The following DOCK7 variants were observed in gnomAD, a reference collection of about 807,000 sequenced individuals.
DOCK7 encodes the protein dedicator of cytokinesis 7.
In DOCK7, 138 loss-of-function variants were observed where a neutral mutation model predicts 271.0. The observed-to-expected ratio is 0.51, with a 90% confidence interval of 0.44 to 0.59. The LOEUF is 0.59. Ranked by LOEUF, DOCK7 falls within the 20% of genes least tolerant of loss-of-function variation. The pLI, the probability that DOCK7 is intolerant of heterozygous loss-of-function variation, is 0.00. For synonymous variants in DOCK7, 823 were observed against 876.1 expected (o/e 0.94, Z 1.07); for missense variants, 2,066 against 2,592.4 (o/e 0.80, Z 4.41).
chr1:62,674,773 C>A lies in DOCK7; in HGVS notation c.39-11643G>T, dbSNP rs1264784126. 2.0e-5 allele frequency among the ~76,000 whole-genome samples: 3 copies of A among 152,108 alleles called. No individual in the cohort carries two copies. The East Asian group carries it at 5.8e-4, about 29-fold the overall frequency. ...CCACACACTAAAGATAAATTTAGAC[C>A]TTTATCTCAAACCATGCATAAAAAC... On this transcript the variant is annotated intron_variant, in intron 1 of 49. Coordinates refer to ENST00000635253, the MANE Select transcript of DOCK7 (RefSeq NM_001367561.1).
In DOCK7 at chr1:62,578,959, C is replaced by T; in HGVS notation, c.1879G>A (p.Asp627Asn). 1.9e-6 allele frequency: 3 copies of T among 1,541,184 alleles called. No individual in the cohort carries two copies. Among genetic ancestry groups the T allele is most frequent in the Non-Finnish European group, 2.6e-6 (3 of 1,150,338 alleles). The stretch of plus-strand genomic sequence containing the variant: ...TTAACCTTGATTTCTTCATGAAAAT[C>T]AGGAGACCTTCATACAAAAAAAAAA... ...TAVVYHNRSP[D>N]FHEEIKVKLP... is the part of the protein sequence containing the mutation. Residue 627 changes from aspartate (D) to asparagine (N), a missense_variant, in exon 17 of 50, where the codon GAT becomes AAT. Asp to Asn is a conservative substitution (Grantham distance 23). Coordinates refer to ENST00000635253, the MANE Select transcript of DOCK7 (RefSeq NM_001367561.1).
chr1:62,679,126 A>C (rs1432551881), intron 1 of DOCK7, among the ~76,000 whole-genome samples: 1 of 152,148 alleles, frequency 6.6e-6, no homozygotes, highest in Non-Finnish European at 1.5e-5. Flanking sequence ...AAAATTTCAC[A>C]CCATACACAT....
At chr1:62,670,095 G>A (rs922738847) in intron 1 of DOCK7, among the ~76,000 whole-genome samples, 42 of 151,834 alleles carry the variant, frequency 2.8e-4, no homozygotes, top group African/African-American at 9.5e-4. Context: ...TGCTGCGCTC[G>A]ATTTCTCGCC....
chr1:62,568,975 A>C (rs12116657), intron 18 of DOCK7, among the ~76,000 whole-genome samples: 15,784 of 152,162 alleles, frequency 0.1, 1,072 homozygotes, highest in Non-Finnish European at 0.15. Context: ...CCTCTCTGCA[A>C]GTAAGTTAGA....
rs1364780951 is a variant in DOCK7 at position 62,597,637 on chromosome 1, C to T, written c.1683-11013G>A. The T allele has an allele frequency of 6.2e-7, 1 of 1,613,222 alleles. No individual in the cohort carries two copies. Among genetic ancestry groups the T allele is most frequent in the Non-Finnish European group, 8.5e-7 (1 of 1,179,482 alleles). Reference sequence around the variant, plus strand: ...TCCTCCAGAATTGATCAAGACAATTCATCATTTGATTCTCTATCTCCAGAG... The same window carrying T: ...TCCTCCAGAATTGATCAAGACAATTTATCATTTGATTCTCTATCTCCAGAG... On this transcript the variant is annotated intron_variant, in intron 14 of 49. Transcript: ENST00000635253.
intron 31 of DOCK7, among the ~76,000 whole-genome samples, chr1:62,516,245 T>A (rs115812764): frequency 0.011 from 1,707 of 152,276 alleles, 41 homozygotes; most frequent in African/African-American, 0.039. Context: ...TGAGAATTTG[T>A]ATTCATTCAA....
chr1:62,625,240 C>G lies in DOCK7; in HGVS notation c.1425+19G>C. 1 of 1,611,150 alleles carries G rather than the reference C, an allele frequency of 6.2e-7. No individual in the cohort carries two copies. The highest frequency in any genetic ancestry group is 8.5e-7 in the Non-Finnish European group (1 of 1,178,630). Reference sequence around the variant, plus strand: ...ATGCACAAACATCTCCCCAAAATTCCTACATGACAGAACAATACCTGCTTA... The same window carrying G: ...ATGCACAAACATCTCCCCAAAATTCGTACATGACAGAACAATACCTGCTTA... On this transcript the variant is annotated intron_variant, in intron 12 of 49. Transcript: ENST00000635253.
At chr1:62,491,971 T>C (rs1338298854) in intron 41 of DOCK7, among the ~76,000 whole-genome samples, 2 of 152,090 alleles carry the variant, frequency 1.3e-5, no homozygotes, top group Non-Finnish European at 1.5e-5. Context: ...ACACTTTGGG[T>C]GGCTGATGAG....
intron 11 of DOCK7, among the ~76,000 whole-genome samples, chr1:62,630,397 C>G (rs1220340497): frequency 6.6e-6 from 1 of 152,106 alleles, no homozygotes; most frequent in Non-Finnish European, 1.5e-5. Context: ...TCTCTGGCTC[C>G]CCATCTCTTC....
At chr1:62,613,558 T>C (rs954026933) in intron 14 of DOCK7, among the ~76,000 whole-genome samples, 5 of 152,136 alleles carry the variant, frequency 3.3e-5, no homozygotes, top group Non-Finnish European at 5.9e-5. Context: ...GTGTACATAA[T>C]AAAAGTAAAT....
chr1:62,500,326 TG>T (rs1209229710), intron 37 of DOCK7, among the ~76,000 whole-genome samples: 1 of 151,850 alleles, frequency 6.6e-6, no homozygotes, highest in Non-Finnish European at 1.5e-5. Flanking sequence ...ATCAATTACA[TG>T]TGAGCTGGCA....
At chr1:62,484,912 G>C (rs530619350) in intron 43 of DOCK7, 1 of 154,670 alleles carries the variant, frequency 6.5e-6, no homozygotes, top group African/African-American at 2.4e-5. Flanking sequence ...GGCTGAGGCA[G>C]GTGGATTGCT....
intron 1 of DOCK7, among the ~76,000 whole-genome samples, chr1:62,687,056 A>G (rs959496656): frequency 1.3e-5 from 2 of 152,290 alleles, no homozygotes; most frequent in East Asian, 3.9e-4. Context: ...CTGGGATTAC[A>G]GGCCTGAGCC....
intron 2 of DOCK7, among the ~76,000 whole-genome samples, chr1:62,654,737 C>G (rs1657788177): frequency 6.6e-6 from 1 of 152,172 alleles, no homozygotes; most frequent in Non-Finnish European, 1.5e-5. Flanking sequence ...GAGTATTATG[C>G]TGGATTATCC....
At chr1:62,462,170 A>C (rs1383667920) in intron 48 of DOCK7, among the ~76,000 whole-genome samples, 1 of 152,192 alleles carries the variant, frequency 6.6e-6, no homozygotes, top group Non-Finnish European at 1.5e-5. Context: ...AATAGTATTA[A>C]GAAAACATTT....
At chr1:62,511,387 G>A (rs1384862407) in intron 33 of DOCK7, 1 of 152,156 alleles carries the variant, frequency 6.6e-6, no homozygotes, top group Non-Finnish European at 1.5e-5. Context: ...AGACAGCATT[G>A]AGAATGTGGA....
chr1:62,622,397 G>C (rs182022447), intron 12 of DOCK7, among the ~76,000 whole-genome samples: 2 of 152,008 alleles, frequency 1.3e-5, no homozygotes, highest in East Asian at 1.9e-4. Flanking sequence ...TATTGTGTGG[G>C]TTTGATTTTT....
chr1:62,668,210 T>C (rs995289031), intron 1 of DOCK7, among the ~76,000 whole-genome samples: 3 of 152,136 alleles, frequency 2.0e-5, no homozygotes, highest in African/African-American at 4.8e-5. Flanking sequence ...GAGGAAGCCA[T>C]CAGACAAAAA....
intron 1 of DOCK7, among the ~76,000 whole-genome samples, chr1:62,673,353 TAAGGA>T (rs1165779374): frequency 6.6e-6 from 1 of 152,178 alleles, no homozygotes; most frequent in Non-Finnish European, 1.5e-5. Context: ...AGCACTGTAT[TAAGGA>T]GACTTGGATG....
Sources: allele counts gnomAD v4.1 joint callset (sites outside exome capture counted in the v4.1 genomes callset), GRCh38; gene constraint gnomAD v4.1.1; transcripts MANE v1.5; gene names NCBI Gene and HGNC (gene_info 2026-07-23, HGNC 2026-07-21).